ZNF831: variants seen among roughly 807,000 people sequenced by gnomAD.
The protein encoded by ZNF831 is chromosome 20 open reading frame 174.
A neutral mutation model predicts 95.8 loss-of-function variants in ZNF831; 59 were observed. The ratio of observed to expected loss-of-function variants is 0.62; its 90% CI spans 0.50 to 0.77. ZNF831 has a LOEUF of 0.77. Ranked by LOEUF, ZNF831 falls within the 30% of genes least tolerant of loss-of-function variation. The pLI is 0.00. For synonymous variants in ZNF831, 961 were observed against 925.5 expected (o/e 1.04, Z -0.70); for missense variants, 2,205 against 2,164.0 (o/e 1.02, Z -0.38).
At chr20:59,183,447 A>G (rs576867801) in intron 1 of ZNF831, among the ~76,000 whole-genome samples, 13 of 152,372 alleles carry the variant, frequency 8.5e-5, no homozygotes, top group African/African-American at 2.9e-4. Flanking sequence ...GAGAGCATGC[A>G]TGGTGGCCTA....
intron 1 of ZNF831, among the ~76,000 whole-genome samples, chr20:59,142,745 T>C (rs753237362): frequency 1.3e-5 from 2 of 152,250 alleles, no homozygotes; most frequent in Non-Finnish European, 2.9e-5. Flanking sequence ...TTTTTGACAG[T>C]AATTTGCCTA....
chr20:59,156,654 C>T (rs1212106614), intron 2 of ZNF831, among the ~76,000 whole-genome samples: 1 of 152,088 alleles, frequency 6.6e-6, no homozygotes, highest in Non-Finnish European at 1.5e-5. Flanking sequence ...AGCCTTTGAC[C>T]CTCACCTTCC....
intron 2 of ZNF831, among the ~76,000 whole-genome samples, chr20:59,155,521 A>T (rs1191696326): frequency 6.6e-6 from 1 of 152,054 alleles, no homozygotes; most frequent in Non-Finnish European, 1.5e-5. Context: ...TTGCTCTGTG[A>T]TCTTTAGAAT....
rs192500975 is a variant in ZNF831 at position 59,198,108 on chromosome 20, C to T, written c.3875+2103C>T. 8.3e-4 allele frequency among the ~76,000 whole-genome samples: 127 copies of T among 152,280 alleles called. 1 individual carries two copies. Among genetic ancestry groups the T allele is most frequent in the Non-Finnish European group, 1.3e-4 (9 of 68,020 alleles). ...ACCTGCTGTGTGCCTGGTGCCCACA[C>T]CTGGAGGTGGCCGAGGAAACTTTCT... On this transcript the variant is annotated intron_variant, in intron 3 of 5. Coordinates refer to ENST00000371030, the MANE Select transcript of ZNF831 (RefSeq NM_178457.3).
At chr20:59,148,008 C>A (rs535560386) in intron 2 of ZNF831, among the ~76,000 whole-genome samples, 1 of 152,318 alleles carries the variant, frequency 6.6e-6, no homozygotes, top group East Asian at 1.9e-4. Context: ...ATTATTAGAT[C>A]AATAAGAAAG....
chr20:59,134,302 G>A (rs1019758984), intron 1 of ZNF831, among the ~76,000 whole-genome samples: 7 of 152,138 alleles, frequency 4.6e-5, no homozygotes, highest in Non-Finnish European at 7.3e-5. Flanking sequence ...TCCTTGTTCG[G>A]TTATTTTCTT....
Position 59,200,533 on chromosome 20 carries a change from C to CAT in ZNF831, c.3875+4538_3875+4539dup, listed in dbSNP as rs910897907. Reference sequence around the variant, plus strand: ...AAACATACAATTAAATAAATTTTGACATATATATATACCTGTGAAACAATA... The same window carrying CAT: ...AAACATACAATTAAATAAATTTTGACATATATATATATACCTGTGAAACAATA... On this transcript the variant is annotated intron_variant, in intron 3 of 5. Coordinates refer to ENST00000371030, the MANE Select transcript of ZNF831 (RefSeq NM_178457.3). 6.9e-4 allele frequency among the ~76,000 whole-genome samples: 105 copies of CAT among 151,952 alleles called. 1 individual carries two copies. Among genetic ancestry groups the CAT allele is most frequent in the African/African-American group, 2.2e-3 (90 of 41,444 alleles).
rs2146583048 is a variant in ZNF831 at position 59,193,424 on chromosome 20, C to T, written c.2405C>T (p.Ala802Val). ...GATGTTCAGGAGACCTGCCTGTGGG[C>T]CCAGACTGTCCTGAGATGGCCCAGC... ...VGDVQETCLWAQTVLRWPSRG... is the reference protein window; with the variant it reads ...VGDVQETCLWVQTVLRWPSRG... The change falls in exon 2 of 6, where the codon GCC becomes GTC. Residue 802 changes from alanine (A) to valine (V), a missense_variant. Ala to Val is a moderately conservative substitution (Grantham distance 64, BLOSUM62 0). Transcript: ENST00000371030. 5.6e-6 allele frequency: 9 copies of T among 1,599,114 alleles called. No homozygotes were observed. The highest frequency in any genetic ancestry group is 7.7e-6 in the Non-Finnish European group (9 of 1,173,282).
chr20:59,211,977 G>A (rs141950803), intron 4 of ZNF831, among the ~76,000 whole-genome samples: 1,668 of 152,150 alleles, frequency 0.011, 20 homozygotes, highest in Middle Eastern at 0.038. Flanking sequence ...GTAGGTGGAG[G>A]TGGGTGGGAT....
chr20:59,175,280 C>T (rs1333844086), intron 1 of ZNF831, among the ~76,000 whole-genome samples: 1 of 152,040 alleles, frequency 6.6e-6, no homozygotes, highest in African/African-American at 2.4e-5. Flanking sequence ...AGCTTTATGT[C>T]TTCTGCCAAA....
chr20:59,154,000 C>A (rs938363645), intron 2 of ZNF831, among the ~76,000 whole-genome samples: 3 of 152,150 alleles, frequency 2.0e-5, no homozygotes, highest in Admixed American at 2.0e-4. Flanking sequence ...GAGACTCCTG[C>A]AGCCTGGTGG....
chr20:59,222,972 G>A (rs1416906866), intron 4 of ZNF831, among the ~76,000 whole-genome samples: 1 of 152,190 alleles, frequency 6.6e-6, no homozygotes. Context: ...CTGAGCAAGC[G>A]ACTGTCGTCA....
intron 1 of ZNF831, among the ~76,000 whole-genome samples, chr20:59,180,093 A>G (rs1982496416): frequency 6.6e-6 from 1 of 152,092 alleles, no homozygotes; most frequent in Admixed American, 6.5e-5. Flanking sequence ...CGATCATTTT[A>G]TTTTATTTTA....
At chr20:59,197,350 G>A (rs542139793) in intron 3 of ZNF831, among the ~76,000 whole-genome samples, 1 of 152,190 alleles carries the variant, frequency 6.6e-6, no homozygotes, top group Admixed American at 6.5e-5. Context: ...TGATGTGGAT[G>A]GTATTATTAG....
chr20:59,258,032 ATCC>A lies in ZNF831; in HGVS notation c.*3294_*3296del, dbSNP rs1485134772. Reference sequence around the variant, plus strand: ...ATGTGATTTTTGGTGGACAACTGGAATCCTCCTTCTTGTAAAACACATTGAAAA... The same window carrying A: ...ATGTGATTTTTGGTGGACAACTGGAATCCTTCTTGTAAAACACATTGAAAA... On this transcript the variant is annotated 3_prime_UTR_variant, in exon 6 of 6. Coordinates refer to ENST00000371030, the MANE Select transcript of ZNF831 (RefSeq NM_178457.3). The A allele has an allele frequency of 1.3e-5, 2 of 152,204 alleles. No individual in the cohort carries two copies. The highest frequency in any genetic ancestry group is 4.8e-5 in the African/African-American group (2 of 41,448). The allele number at this position is 152,204 out of a possible 1,614,324, so 9.4% of individuals were successfully genotyped here.
Position 59,194,559 on chromosome 20 carries a change from G to A in ZNF831, c.3540G>A (p.Glu1180=), listed in dbSNP as rs1983932940. The A allele has an allele frequency of 6.2e-7, 1 of 1,606,700 alleles. No individual in the cohort carries two copies. The highest frequency in any genetic ancestry group is 1.7e-5 in the Admixed American group (1 of 59,290). The change falls in exon 2 of 6, where the codon GAG becomes GAA. Residue 1180 remains glutamate (E), a synonymous_variant. Transcript: ENST00000371030. ...TQNPFPSLKA[E]PRLTWCCLSR... is the part of the protein sequence containing the mutation. ...ACCCCTTTCCCTCACTGAAGGCTGA[G>A]CCGCGGCTCACGTGGTGTTGCCTGA...
intron 1 of ZNF831, among the ~76,000 whole-genome samples, chr20:59,168,288 G>A (rs922038865): frequency 3.3e-5 from 5 of 152,122 alleles, no homozygotes; most frequent in African/African-American, 4.8e-5. Context: ...GTAGTTTTCA[G>A]TGCGTAAGTC....
chr20:59,203,622 A>T (rs1214326387), intron 3 of ZNF831, among the ~76,000 whole-genome samples: 1 of 152,220 alleles, frequency 6.6e-6, no homozygotes, highest in Non-Finnish European at 1.5e-5. Context: ...GCATTAATCC[A>T]CTTTTGCCCA....
At chr20:59,196,399 G>A (rs531973359) in intron 3 of ZNF831, among the ~76,000 whole-genome samples, 3 of 152,162 alleles carry the variant, frequency 2.0e-5, no homozygotes, top group South Asian at 4.2e-4. Context: ...TAGTAATCTC[G>A]CCACGCAGAG....
Sources: allele counts gnomAD v4.1 joint callset (sites outside exome capture counted in the v4.1 genomes callset), GRCh38; gene constraint gnomAD v4.1.1; transcripts MANE v1.5; gene names NCBI Gene and HGNC (gene_info 2026-07-23, HGNC 2026-07-21).